The following ZNF30 variants were observed in gnomAD, a reference collection of about 807,000 sequenced individuals.
ZNF30 encodes zinc finger protein 30 (KOX 28).
ZNF30 carries 15 observed loss-of-function variants against 13.2 expected under a neutral mutation model. That is an observed-to-expected ratio of 1.13 (90% CI 0.76 to 1.75). The LOEUF is 1.75. ZNF30 is among the 40% of genes most tolerant of loss of function. The pLI is 0.00. For missense variants in ZNF30, 726 were observed against 757.0 expected, an observed-to-expected ratio of 0.96 and a Z score of 0.48; for synonymous variants, 223 against 256.6, an observed-to-expected ratio of 0.87 and a Z score of 1.25.
upstream of ZNF30, among the ~76,000 whole-genome samples, chr19:34,925,318 A>C (rs965935487): frequency 6.6e-5 from 10 of 152,208 alleles, no homozygotes; most frequent in Non-Finnish European, 1.2e-4. Flanking sequence ...ATCAGATCAC[A>C]CATGGGCTTG....
At chr19:34,941,333 T>C (rs945302219) in intron 4 of ZNF30, among the ~76,000 whole-genome samples, 4 of 152,192 alleles carry the variant, frequency 2.6e-5, no homozygotes, top group Non-Finnish European at 5.9e-5. Context: ...GGCGCGATCT[T>C]GGCTTACTGC....
At chr19:34,926,718 C>G (rs1047166042), upstream of ZNF30, 3 of 384,874 alleles carry the variant, frequency 7.8e-6, no homozygotes, top group African/African-American at 6.2e-5. Context: ...TTTGTTTTTG[C>G]TTTTTCTGAC....
rs2013267430 is a variant in ZNF30 at position 34,944,958 on chromosome 19, A to G, written c.*120A>G. 5 of 878,860 alleles carry G rather than the reference A, an allele frequency of 5.7e-6. No homozygotes were observed. Among genetic ancestry groups the G allele is most frequent in the Non-Finnish European group, 8.2e-6 (5 of 608,496 alleles). 54.4% of individuals were successfully genotyped at this position (878,860 alleles called of 1,614,324 possible). A position where few individuals can be genotyped will look rare whatever the true frequency, so the allele number is the denominator to read the frequency against. On this transcript the variant is annotated 3_prime_UTR_variant, in exon 5 of 5. Coordinates refer to ENST00000601142, the MANE Select transcript of ZNF30 (RefSeq NM_194325.3). ...ATATTGGCAGGTCTATTCTCATCTT[A>G]TAATTCATAATATAACTCAGAAAAC... is the stretch of plus-strand genomic sequence containing the variant.
At chr19:34,938,121 A>G (rs1363975349) in intron 4 of ZNF30, among the ~76,000 whole-genome samples, 7 of 152,176 alleles carry the variant, frequency 4.6e-5, no homozygotes, top group Admixed American at 4.6e-4. Context: ...GCCTTGCTAA[A>G]GGAGGAAATT....
intron 2 of ZNF30, 63 bp from the exon 3 acceptor site, chr19:34,931,780 C>T: frequency 6.5e-7 from 1 of 1,533,172 alleles, no homozygotes; most frequent in Non-Finnish European, 8.8e-7. Flanking sequence ...TGCTCCCTTA[C>T]TACACTGAAA....
At chr19:34,930,771 A>G (rs1269993535) in intron 2 of ZNF30, among the ~76,000 whole-genome samples, 2 of 152,014 alleles carry the variant, frequency 1.3e-5, no homozygotes, top group Admixed American at 1.3e-4. Flanking sequence ...CCTCAGACAG[A>G]AGGACACTTG....
rs115238403 is a variant in ZNF30, at chr19:34,932,543, A to G, written c.160+550A>G. 3.9e-3 allele frequency among the ~76,000 whole-genome samples: 591 copies of G among 152,310 alleles called. 5 individuals carry two copies. The highest frequency in any genetic ancestry group is 0.013 in the African/African-American group (560 of 41,572). On this transcript the variant is annotated intron_variant, in intron 3 of 4. Coordinates refer to ENST00000601142, the MANE Select transcript of ZNF30 (RefSeq NM_194325.3). ...AATGTTATTAACACACAGCGTGCTTACTGTGTGCTGTTTCACTGTTCTCTG... is the reference window on the plus strand; with the variant it reads ...AATGTTATTAACACACAGCGTGCTTGCTGTGTGCTGTTTCACTGTTCTCTG...
Position 34,944,129 on chromosome 19 carries a change from T to C in ZNF30, c.1163T>C (p.Val388Ala), listed in dbSNP as rs1485100716. Residue 388 changes from valine (V) to alanine (A), a missense_variant, in exon 5 of 5, where the codon GTT (valine) becomes GCT (alanine). Coordinates refer to ENST00000601142, the MANE Select transcript of ZNF30 (RefSeq NM_194325.3). ...GRTFSRASYL[V>A]QHGRLHTGEK... ...ACCTTCAGTCGTGCCTCATATCTTG[T>C]TCAACATGGAAGACTTCACACTGGC... is the stretch of plus-strand genomic sequence containing the variant. 1 of 1,613,368 alleles carries C rather than the reference T, an allele frequency of 6.2e-7. No individual in the cohort carries two copies. The highest frequency in any genetic ancestry group is 2.2e-5 in the East Asian group (1 of 44,822).
chr19:34,943,035 A>G (rs2151675575), intron 4 of ZNF30, among the ~76,000 whole-genome samples, 188 bp from the exon 5 acceptor site: 1 of 151,430 alleles, frequency 6.6e-6, no homozygotes, highest in East Asian at 1.9e-4. Context: ...ACTAATCACC[A>G]ACCTTACTAT....
At position 34,928,252 on chromosome 19, in the gene ZNF30, TATAGATAGATAG is replaced by T. The variant is rs61316053; in HGVS notation, c.-65+1048_-65+1059del. Among the ~76,000 whole-genome samples, 17 of 56,542 alleles carry T rather than the reference TATAGATAGATAG, an allele frequency of 3.0e-4. No homozygotes were observed. In the South Asian group the frequency reaches 3.9e-3, roughly 13 times the overall value. 37.1% of individuals were successfully genotyped at this position (56,542 alleles called of 152,430 possible). A position where few individuals can be genotyped will look rare whatever the true frequency, so the allele number is the denominator to read the frequency against. On this transcript the variant is annotated intron_variant, in intron 1 of 4. Transcript: ENST00000601142. ...ATATATATATATATATATATATATA[TATAGATAGATAG>T]ATAGATAGATACATAAATTAAATTA... is the stretch of plus-strand genomic sequence containing the variant.
intron 1 of ZNF30, among the ~76,000 whole-genome samples, chr19:34,927,775 G>A (rs745545675): frequency 6.6e-5 from 10 of 152,146 alleles, no homozygotes; most frequent in Non-Finnish European, 1.2e-4. Context: ...AGCTGCTAGG[G>A]GACAGAGGAA....
chr19:34,940,360 G>A (rs2546013), intron 4 of ZNF30, among the ~76,000 whole-genome samples: 73,768 of 151,916 alleles, frequency 0.49, 22,105 homozygotes, highest in African/African-American at 0.86. Context: ...TTTTTTTTCT[G>A]TTCTTTTATT....
chr19:34,928,591 G>A (rs1416518457), intron 1 of ZNF30, among the ~76,000 whole-genome samples: 1 of 152,102 alleles, frequency 6.6e-6, no homozygotes, highest in Non-Finnish European at 1.5e-5. Flanking sequence ...CCAGCACTTT[G>A]GGATACTGAG....
upstream of ZNF30, chr19:34,926,702 T>A (rs2012086987): frequency 2.7e-6 from 1 of 367,902 alleles, no homozygotes; most frequent in African/African-American, 2.1e-5. Flanking sequence ...TCATTTTTTG[T>A]TTGTTTTTGT....
chr19:34,944,488 G>A lies in ZNF30; in HGVS notation c.1522G>A (p.Gly508Ser). The A allele has an allele frequency of 6.2e-7, 1 of 1,613,492 alleles. No individual in the cohort carries two copies. Among genetic ancestry groups the A allele is most frequent in the Non-Finnish European group, 8.5e-7 (1 of 1,179,898 alleles). Residue 508 changes from glycine to serine, a missense_variant, in exon 5 of 5, where the codon GGT (glycine) becomes AGT (serine). Coordinates refer to ENST00000601142, the MANE Select transcript of ZNF30 (RefSeq NM_194325.3). ...TGTACAACATAGCAGAATCCATACTGGTAAGAAGCCCTATGAGTGTAAGGA... is the reference window on the plus strand; with the variant it reads ...TGTACAACATAGCAGAATCCATACTAGTAAGAAGCCCTATGAGTGTAAGGA... ...YLVQHSRIHT[G>S]KKPYECKECG...
intron 1 of ZNF30, among the ~76,000 whole-genome samples, chr19:34,927,898 G>C (rs542042409): frequency 6.6e-6 from 1 of 152,122 alleles, no homozygotes; most frequent in South Asian, 2.1e-4. Context: ...AGAAACTTAC[G>C]TTTTAAGTAA....
At chr19:34,942,594 G>C (rs918456462) in intron 4 of ZNF30, 5 of 1,284,626 alleles carry the variant, frequency 3.9e-6, no homozygotes, top group Non-Finnish European at 5.1e-6. Flanking sequence ...ACATGGATAG[G>C]ATAAGAAAGC....
chr19:34,943,606 A>G lies in ZNF30; in HGVS notation c.640A>G (p.Ser214Gly). 1 of 1,613,790 alleles carries G rather than the reference A, an allele frequency of 6.2e-7. No individual in the cohort carries two copies. The highest frequency in any genetic ancestry group is 8.5e-7 in the Non-Finnish European group (1 of 1,179,808). The part of the protein sequence containing the change: ...LKCKQCGKTI[S>G]GSYQLTVHKS... Reference sequence around the variant, plus strand: ...ATGTAAGCAATGTGGAAAGACTATTAGTGGTAGCTATCAACTTACAGTACA... The same window carrying G: ...ATGTAAGCAATGTGGAAAGACTATTGGTGGTAGCTATCAACTTACAGTACA... Residue 214 changes from serine to glycine, a missense_variant, in exon 5 of 5, where the codon AGT becomes GGT. Physicochemically the swap from Ser to Gly is moderately conservative, Grantham distance 56 (BLOSUM62 0). Coordinates refer to ENST00000601142, the MANE Select transcript of ZNF30 (RefSeq NM_194325.3).
rs2013204345 is a variant in ZNF30, at chr19:34,944,170, T to C, written c.1204T>C (p.Cys402Arg). The change falls in exon 5 of 5, where the codon TGT (cysteine) becomes CGT (arginine). Residue 402 changes from cysteine to arginine, a missense_variant. Coordinates refer to ENST00000601142, the MANE Select transcript of ZNF30 (RefSeq NM_194325.3). ...TCACACTGGCGAGAAGCCCTATGAATGTAAGGAGTGTGGCAAGGCCTTTAG... is the reference window on the plus strand; with the variant it reads ...TCACACTGGCGAGAAGCCCTATGAACGTAAGGAGTGTGGCAAGGCCTTTAG... The part of the protein sequence containing the change: ...RLHTGEKPYE[C>R]KECGKAFSTG... 1.1e-5 allele frequency: 18 copies of C among 1,612,944 alleles called. No individual in the cohort carries two copies. In the East Asian group the frequency reaches 3.6e-4, roughly 32 times the overall value.
Sources: gnomAD v4.1 joint callset for allele counts (sites outside exome capture counted in the v4.1 genomes callset) on GRCh38, gnomAD v4.1.1 for gene constraint, MANE v1.5 for transcripts, NCBI Gene and HGNC (gene_info 2026-07-23, HGNC 2026-07-21) for gene names.